The following MYOZ1 variants were observed in gnomAD, a reference collection of about 807,000 sequenced individuals.
MYOZ1 encodes myozenin-1.
A neutral mutation model predicts 28.7 loss-of-function variants in MYOZ1; 20 were observed. That is an observed-to-expected ratio of 0.70 (90% CI 0.49 to 1.01). MYOZ1 has a LOEUF of 1.01. Ranked by LOEUF, MYOZ1 falls within the 50% of genes least tolerant of loss-of-function variation. The probability of loss-of-function intolerance (pLI) is 0.00; values close to 1 mark genes in which losing one functional copy is unlikely to be tolerated. For synonymous variants in MYOZ1, 144 were observed against 145.8 expected, an observed-to-expected ratio of 0.99 and a Z score of 0.09; for missense variants, 371 against 372.4, an observed-to-expected ratio of 1.00 and a Z score of 0.03.
intron 1 of MYOZ1, 105 bp downstream of exon 1, chr10:73,641,306 G>C (rs1215088695): frequency 6.6e-6 from 1 of 152,240 alleles, no homozygotes; most frequent in Non-Finnish European, 1.5e-5. Context: ...GCATAGATGA[G>C]GAGAGGGGAG....
Position 73,634,604 on chromosome 10 carries a change from C to G in MYOZ1, c.382G>C (p.Gly128Arg). The change falls in exon 4 of 6, where the codon GGC (glycine) becomes CGC (arginine). Residue 128 changes from glycine (G) to arginine (R), a missense_variant. Physicochemically the swap from Gly to Arg is moderately radical, Grantham distance 125. Coordinates refer to ENST00000359322, the MANE Select transcript of MYOZ1 (RefSeq NM_021245.4). ...CCCAGATGGTGCTGCTGATCAGAGC[C>G]ATACTGTCCGGCAGAGCCACTGCCC... ...AGGSGSAGQY[G>R]SDQQHHLGSG... 6.2e-7 allele frequency: 1 copy of G among 1,614,186 alleles called. No individual in the cohort carries two copies. Among genetic ancestry groups the G allele is most frequent in the Non-Finnish European group, 8.5e-7 (1 of 1,180,034 alleles).
chr10:73,640,979 C>G (rs1296511273), intron 1 of MYOZ1, among the ~76,000 whole-genome samples: 1 of 152,030 alleles, frequency 6.6e-6, no homozygotes, highest in Non-Finnish European at 1.5e-5. Context: ...AATCCCGACA[C>G]GTCAATTCAG....
At chr10:73,638,672 T>TTATTTATG (rs1564985079) in intron 2 of MYOZ1, among the ~76,000 whole-genome samples, 1 of 149,578 alleles carries the variant, frequency 6.7e-6, no homozygotes, top group East Asian at 2.0e-4. Context: ...ATTTATTTAT[T>TTATTTATG]TATTTATTTA....
intron 5 of MYOZ1, among the ~76,000 whole-genome samples, chr10:73,633,180 C>T (rs2081646252): frequency 6.6e-6 from 1 of 152,004 alleles, no homozygotes; most frequent in Admixed American, 6.6e-5. Flanking sequence ...GCCTATAATG[C>T]CAGCTACTAG....
At chr10:73,640,588 G>A (rs1042318498) in intron 1 of MYOZ1, among the ~76,000 whole-genome samples, 1 of 152,160 alleles carries the variant, frequency 6.6e-6, no homozygotes, top group Non-Finnish European at 1.5e-5. Flanking sequence ...TTTTCATAGA[G>A]TCAGTGCAGG....
intron 2 of MYOZ1, among the ~76,000 whole-genome samples, chr10:73,638,473 C>T (rs2132408412): frequency 6.6e-6 from 1 of 151,282 alleles, no homozygotes; most frequent in East Asian, 1.9e-4. Flanking sequence ...GCTGGGATTG[C>T]AGGCCTGCAC....
rs778283865 is a variant in MYOZ1 at position 73,631,882 on chromosome 10, A to G, written c.*48T>C. 4 of 1,525,928 alleles carry G rather than the reference A, an allele frequency of 2.6e-6. No individual in the cohort carries two copies. The highest frequency in any genetic ancestry group is 3.6e-6 in the Non-Finnish European group (4 of 1,101,832). 94.5% of individuals were successfully genotyped at this position (1,525,928 alleles called of 1,614,324 possible). ...CTATCTGCTCAGCATTCCCTCTCCA[A>G]ATTGGAGCCAGAGAGGGGAAATGAT... On this transcript the variant is annotated 3_prime_UTR_variant, in exon 6 of 6. Transcript: ENST00000359322.
intron 3 of MYOZ1, 126 bp downstream of exon 3, chr10:73,637,618 G>T: frequency 1.1e-6 from 1 of 948,988 alleles, no homozygotes; most frequent in Admixed American, 2.4e-5. Context: ...AATATATCTG[G>T]GGGTTTAACA....
rs1218800917 is a variant in MYOZ1, at chr10:73,637,674, T to C, written c.252+70A>G. The C allele has an allele frequency of 5.5e-6, 8 of 1,450,532 alleles. No individual in the cohort carries two copies. The East Asian group carries it at 1.6e-4, about 30-fold the overall frequency. 89.9% of individuals were successfully genotyped at this position (1,450,532 alleles called of 1,614,324 possible). A position where few individuals can be genotyped will look rare whatever the true frequency, so the allele number is the denominator to read the frequency against. On this transcript the variant is annotated intron_variant, in intron 3 of 5. Transcript: ENST00000359322. The stretch of plus-strand genomic sequence containing the variant: ...GGGGATGTTGACTGCATTTTGGAGG[T>C]TCAGGGCCTACTAACAAGCTGTCAG...
At chr10:73,639,855 TTG>T in intron 2 of MYOZ1, 88 bp downstream of exon 2, 1 of 1,310,164 alleles carries the variant, frequency 7.6e-7, no homozygotes, top group Non-Finnish European at 1.1e-6. Context: ...TTTCTCTTGT[TTG>T]TTCACCCTAA....
intron 5 of MYOZ1, among the ~76,000 whole-genome samples, chr10:73,632,951 T>G (rs1395774365): frequency 6.6e-6 from 1 of 151,930 alleles, no homozygotes; most frequent in Non-Finnish European, 1.5e-5. Flanking sequence ...ACAGACCTCC[T>G]CTCCATGGGC....
At chr10:73,637,662 G>T (rs2132407757) in intron 3 of MYOZ1, 82 bp downstream of exon 3, 1 of 1,324,772 alleles carries the variant, frequency 7.5e-7, no homozygotes, top group Non-Finnish European at 1.0e-6. Flanking sequence ...GATGTTGACT[G>T]CATTTTGGAG....
chr10:73,632,224 G>A, intron 5 of MYOZ1, 63 bp from the exon 6 acceptor site: 7 of 1,410,750 alleles, frequency 5.0e-6, no homozygotes, highest in Non-Finnish European at 7.0e-6. Context: ...CTTATCATGA[G>A]ATGCTACCCT....
At chr10:73,637,398 T>C (rs920172162) in intron 3 of MYOZ1, among the ~76,000 whole-genome samples, 3 of 152,188 alleles carry the variant, frequency 2.0e-5, no homozygotes, top group Non-Finnish European at 4.4e-5. Context: ...TAAAAAATTA[T>C]TCATTGTGTA....
Position 73,637,010 on chromosome 10 carries a change from C to CTTTTTTTTTTTTTTTTTTTTTTTT in MYOZ1, c.252+733_252+734insAAAAAAAAAAAAAAAAAAAAAAAA, listed in dbSNP as rs200349316. Among the ~76,000 whole-genome samples, 3 of 137,520 alleles carry CTTTTTTTTTTTTTTTTTTTTTTTT rather than the reference C, an allele frequency of 2.2e-5. 1 individual carries two copies. The highest frequency in any genetic ancestry group is 8.8e-5 in the African/African-American group (3 of 34,258). 90.2% of individuals were successfully genotyped at this position (137,520 alleles called of 152,430 possible). A position where few individuals can be genotyped will look rare whatever the true frequency, so the allele number is the denominator to read the frequency against. ...TTATCTTCTTCCTTTTTTCTTTTTTCTTTCTTTTTTTTTTTTTTTTGAGAC... is the reference window on the plus strand; with the variant it reads ...TTATCTTCTTCCTTTTTTCTTTTTTCTTTTTTTTTTTTTTTTTTTTTTTTTTTCTTTTTTTTTTTTTTTTGAGAC... On this transcript the variant is annotated intron_variant, in intron 3 of 5. Transcript: ENST00000359322.
chr10:73,637,829 C>G lies in MYOZ1; in HGVS notation c.167G>C (p.Gly56Ala), dbSNP rs200945452. 358 of 1,614,102 alleles carry G rather than the reference C, an allele frequency of 2.2e-4. No individual in the cohort carries two copies. Among genetic ancestry groups the G allele is most frequent in the Non-Finnish European group, 2.7e-4 (315 of 1,180,034 alleles). ...CTGCCGCAGTTTGAACATCTTGGAG[C>G]CCCGGTTGGTAAGCAGCGACAGTTC... Reference protein sequence around the residue: ...LEELSLLTNRGSKMFKLRQMR... With the variant: ...LEELSLLTNRASKMFKLRQMR... Residue 56 changes from glycine to alanine, a missense_variant, in exon 3 of 6, where the codon GGC becomes GCC. Physicochemically the swap from Gly to Ala is moderately conservative, Grantham distance 60. Transcript: ENST00000359322.
intron 1 of MYOZ1, 115 bp from the exon 2 acceptor site, chr10:73,640,150 T>C: frequency 1.4e-6 from 1 of 692,028 alleles, no homozygotes. Context: ...GACAAAAAAA[T>C]TTTTTTTTCT....
rs2081650700 is a variant in MYOZ1 at position 73,633,886 on chromosome 10, C to A, written c.668+14G>T. ...ACACTAGAATGCATCTGGTTCCTTC[C>A]TCACCACCCCTACCTGTTGAAGGAC... On this transcript the variant is annotated intron_variant, in intron 5 of 5. Transcript: ENST00000359322. The A allele has an allele frequency of 1.3e-6, 2 of 1,592,236 alleles. No individual in the cohort carries two copies. Among genetic ancestry groups the A allele is most frequent in the South Asian group, 2.3e-5 (2 of 88,388 alleles).
intron 5 of MYOZ1, among the ~76,000 whole-genome samples, chr10:73,633,516 C>G (rs1325644262): frequency 6.6e-6 from 1 of 152,014 alleles, no homozygotes; most frequent in Admixed American, 6.5e-5. Flanking sequence ...ATAGCTTGAG[C>G]CCAGGAGTTC....
Sources: allele counts gnomAD v4.1 joint callset (sites outside exome capture counted in the v4.1 genomes callset), GRCh38; gene constraint gnomAD v4.1.1; transcripts MANE v1.5; gene names NCBI Gene and HGNC (gene_info 2026-07-23, HGNC 2026-07-21).